GRB14: variants seen among roughly 807,000 people sequenced by gnomAD.
GRB14 encodes the protein growth factor receptor bound protein 14, also known as growth factor receptor-bound protein 14.
Under a neutral mutation model 69.1 loss-of-function variants are expected in GRB14, and 38 were observed. The observed-to-expected ratio is 0.55, with a 90% CI of 0.42 to 0.72. The LOEUF (loss-of-function observed/expected upper bound fraction) is 0.72. Among genes scored for constraint, GRB14 ranks in the 30% least tolerant of loss-of-function variants. GRB14 has a pLI of 0.00. For synonymous variants in GRB14, 247 were observed against 241.3 expected (o/e 1.02, Z -0.22); for missense variants, 666 against 666.1 (o/e 1.00, Z 0.00).
chr2:164,598,638 G>A (rs1689842828), intron 2 of GRB14, among the ~76,000 whole-genome samples: 1 of 152,082 alleles, frequency 6.6e-6, no homozygotes, highest in Admixed American at 6.6e-5. Flanking sequence ...TATATTTATT[G>A]GTCTTCGCTT....
intron 3 of GRB14, among the ~76,000 whole-genome samples, chr2:164,538,460 G>C (rs1688140848): frequency 6.6e-6 from 1 of 152,278 alleles, no homozygotes; most frequent in African/African-American, 2.4e-5. Context: ...TCCAGTGGCT[G>C]TGAAGCAAAC....
intron 2 of GRB14, among the ~76,000 whole-genome samples, chr2:164,575,337 G>T (rs1689227314): frequency 6.6e-6 from 1 of 152,088 alleles, no homozygotes; most frequent in Non-Finnish European, 1.5e-5. Flanking sequence ...ATAAATTTTA[G>T]TCATCCAAGT....
chr2:164,547,591 G>T, intron 3 of GRB14, 69 bp downstream of exon 3: 1 of 1,166,548 alleles, frequency 8.6e-7, no homozygotes, highest in Non-Finnish European at 1.2e-6. Flanking sequence ...AAGAATTATT[G>T]GTGTTCAAGA....
At position 164,593,657 on chromosome 2, in the gene GRB14, C is replaced by T. The variant is rs142018709; in HGVS notation, c.324+26030G>A. On this transcript the variant is annotated intron_variant, in intron 2 of 13. Coordinates refer to ENST00000263915, the MANE Select transcript of GRB14 (RefSeq NM_004490.3). The stretch of plus-strand genomic sequence containing the variant: ...TACAGGAGAGAGAAAAAAGGAATTC[C>T]CAGAACAAAGGCAAAGCAAAATCCC... 3.5e-3 allele frequency among the ~76,000 whole-genome samples: 530 copies of T among 152,136 alleles called. 8 individuals are homozygous for T. Among genetic ancestry groups the T allele is most frequent in the African/African-American group, 0.012 (489 of 41,520 alleles).
chr2:164,494,600 A>C, intron 12 of GRB14, 76 bp from the exon 13 acceptor site: 1 of 852,470 alleles, frequency 1.2e-6, no homozygotes, highest in Non-Finnish European at 2.0e-6. Flanking sequence ...TAATAAATCC[A>C]AGAAGTGTAT....
At chr2:164,500,262 C>T (rs1481795913) in intron 9 of GRB14, among the ~76,000 whole-genome samples, 1 of 152,076 alleles carries the variant, frequency 6.6e-6, no homozygotes, top group East Asian at 1.9e-4. Context: ...TTGATTCTCA[C>T]TTCAAAGGCT....
At chr2:164,580,779 G>A (rs1165997722) in intron 2 of GRB14, among the ~76,000 whole-genome samples, 1 of 151,966 alleles carries the variant, frequency 6.6e-6, no homozygotes, top group Admixed American at 6.6e-5. Flanking sequence ...TATTAGAACT[G>A]TCAATGAAGT....
intron 3 of GRB14, among the ~76,000 whole-genome samples, chr2:164,538,401 C>T (rs188140085): frequency 6.6e-6 from 1 of 152,158 alleles, no homozygotes; most frequent in Admixed American, 6.5e-5. Context: ...CCTACTCTTA[C>T]ATTGATTATA....
chr2:164,620,809 T>C (rs905336332), intron 1 of GRB14, among the ~76,000 whole-genome samples: 6 of 152,152 alleles, frequency 3.9e-5, no homozygotes, highest in Non-Finnish European at 7.4e-5. Context: ...GAGTTTACTT[T>C]GTGAAAATGC....
intron 2 of GRB14, among the ~76,000 whole-genome samples, chr2:164,589,900 C>T (rs1405781101): frequency 1.3e-5 from 2 of 152,112 alleles, no homozygotes; most frequent in African/African-American, 4.8e-5. Context: ...CCAGCATTGT[C>T]GAGTTCTGGT....
intron 2 of GRB14, among the ~76,000 whole-genome samples, chr2:164,581,563 G>A (rs549451021): frequency 2.3e-4 from 35 of 152,266 alleles, no homozygotes; most frequent in African/African-American, 7.2e-4. Flanking sequence ...CTCCACACCT[G>A]CCCTGCCACC....
rs1240225857 is a variant in GRB14, at chr2:164,619,697, C to T, written c.314G>A (p.Arg105Lys). The T allele has an allele frequency of 3.8e-6, 6 of 1,573,990 alleles. No homozygotes were observed. Among genetic ancestry groups the T allele is most frequent in the Admixed American group, 2.1e-5 (1 of 46,518 alleles). Residue 105 changes from arginine (R) to lysine (K), a missense_variant, in exon 2 of 14, where the codon AGG becomes AAG. By Grantham distance (26) the Arg-to-Lys change is conservative. Transcript: ENST00000263915. ...TTTAAAAATGCATACCTGTTTTTTC[C>T]TTGAATTTGCTTTGGGAAATAGGTC... ...SADLFPKANS[R>K]KKQVIKVYSE...
At position 164,523,068 on chromosome 2, in the gene GRB14, G is replaced by A. The variant is rs181200704; in HGVS notation, c.679-951C>T. The stretch of plus-strand genomic sequence containing the variant: ...TGAGACAGACAGAGAGAGACAGTAA[G>A]TGGGGGGAAACAGGGGAGAGAGACA... On this transcript the variant is annotated intron_variant, in intron 5 of 13. Transcript: ENST00000263915. Among the ~76,000 whole-genome samples, 41 of 152,176 alleles carry A rather than the reference G, an allele frequency of 2.7e-4. No individual in the cohort carries two copies. The East Asian group carries it at 7.4e-3, about 27-fold the overall frequency.
intron 3 of GRB14, among the ~76,000 whole-genome samples, chr2:164,535,079 AC>A (rs1289222540): frequency 6.6e-6 from 1 of 152,202 alleles, no homozygotes. Context: ...AATTACTTCA[AC>A]ATAGCAATCA....
At chr2:164,613,670 T>C (rs1466680375) in intron 2 of GRB14, among the ~76,000 whole-genome samples, 1 of 152,226 alleles carries the variant, frequency 6.6e-6, no homozygotes, top group Non-Finnish European at 1.5e-5. Flanking sequence ...GAGAAAGTGG[T>C]TGACTTGATT....
At position 164,492,926 on chromosome 2, in the gene GRB14, G is replaced by A; in HGVS notation, c.*110C>T. 1 of 989,498 alleles carries A rather than the reference G, an allele frequency of 1.0e-6. No homozygotes were observed. The highest frequency in any genetic ancestry group is 2.8e-5 in the Admixed American group (1 of 35,884). The allele number at this position is 989,498 out of a possible 1,614,324, so 61.3% of individuals were successfully genotyped here. A position where few individuals can be genotyped will look rare whatever the true frequency, so the allele number is the denominator to read the frequency against. ...CAAACTATTTTTTTGTAACTTGCAG[G>A]TGAAATACATTCTTTTCACATGGTA... On this transcript the variant is annotated 3_prime_UTR_variant, in exon 14 of 14. Transcript: ENST00000263915.
At chr2:164,539,277 C>A (rs1270618722) in intron 3 of GRB14, among the ~76,000 whole-genome samples, 1 of 152,060 alleles carries the variant, frequency 6.6e-6, no homozygotes, top group Non-Finnish European at 1.5e-5. Context: ...GAGTTCAAGA[C>A]CAGCCTAGCC....
chr2:164,568,767 GAATCT>G (rs572044730), intron 2 of GRB14, among the ~76,000 whole-genome samples: 30 of 152,186 alleles, frequency 2.0e-4, no homozygotes, highest in African/African-American at 7.2e-4. Flanking sequence ...TGGCAGATAA[GAATCT>G]GTTTACATTG....
In GRB14 at chr2:164,508,501, T is replaced by C; in HGVS notation, c.977A>G (p.Glu326Gly). The C allele has an allele frequency of 1.2e-6, 2 of 1,614,114 alleles. No individual in the cohort carries two copies. Among genetic ancestry groups the C allele is most frequent in the South Asian group, 1.1e-5 (1 of 91,080 alleles). The part of the protein sequence containing the change: ...PRDLKMLCAE[E>G]EQSRTCWVTA... ...CACCCAGCACGTCCTACTCTGCTCT[T>C]CTTCTGCACAGAGCATTTTCAGGTC... The change falls in exon 8 of 14, where the codon GAA (glutamate) becomes GGA (glycine). Residue 326 changes from glutamate to glycine, a missense_variant. Physicochemically the swap from Glu to Gly is moderately conservative, Grantham distance 98. Transcript: ENST00000263915.
Sources: allele counts gnomAD v4.1 joint callset (sites outside exome capture counted in the v4.1 genomes callset), GRCh38; gene constraint gnomAD v4.1.1; transcripts MANE v1.5; gene names NCBI Gene and HGNC (gene_info 2026-07-23, HGNC 2026-07-21).